ARFIP1: variants seen among roughly 807,000 people sequenced by gnomAD.
The protein encoded by ARFIP1 is ARF interacting protein 1.
Under a neutral mutation model 42.5 loss-of-function variants are expected in ARFIP1, and 24 were observed. That is an observed-to-expected ratio of 0.57 (90% confidence interval 0.41 to 0.80). The LOEUF (loss-of-function observed/expected upper bound fraction) is 0.80, where lower values mean the gene tolerates loss of function less well. ARFIP1 is among the 30% of genes least tolerant of loss of function. The pLI is 0.00. For missense variants in ARFIP1, 354 were observed against 434.0 expected (o/e 0.82, Z 1.64); for synonymous variants, 141 against 153.7 (o/e 0.92, Z 0.61).
Position 152,884,249 on chromosome 4 carries a change from C to A in ARFIP1, c.791+1369C>A, listed in dbSNP as rs183997766. Among the ~76,000 whole-genome samples the A allele has an allele frequency of 7.9e-5, 12 of 151,960 alleles. No homozygotes were observed. In the East Asian group the frequency reaches 1.4e-3, roughly 17 times the overall value. On this transcript the variant is annotated intron_variant, in intron 7 of 8. Coordinates refer to ENST00000353617, the MANE Select transcript of ARFIP1 (RefSeq NM_001025595.3). Reference sequence around the variant, plus strand: ...GATAGCTGTTAGTAAGATAGCCTTCCGTGGAAATCTCTTCAATAACATTCT... The same window carrying A: ...GATAGCTGTTAGTAAGATAGCCTTCAGTGGAAATCTCTTCAATAACATTCT...
chr4:152,787,540 G>T (rs1167175227), intron 1 of ARFIP1, among the ~76,000 whole-genome samples: 1 of 152,262 alleles, frequency 6.6e-6, no homozygotes, highest in African/African-American at 2.4e-5. Flanking sequence ...GTATGTGTAA[G>T]AAATGATTGG....
At chr4:152,910,003 A>G (rs1004289374) in intron 8 of ARFIP1, 61 bp from the exon 9 acceptor site, 1 of 1,546,968 alleles carries the variant, frequency 6.5e-7, no homozygotes, top group African/African-American at 1.4e-5. Flanking sequence ...GTAATAAATC[A>G]CTCTCTATTT....
At chr4:152,780,791 C>T (rs1730441006) in intron 1 of ARFIP1, among the ~76,000 whole-genome samples, 1 of 152,188 alleles carries the variant, frequency 6.6e-6, no homozygotes, top group Non-Finnish European at 1.5e-5. Flanking sequence ...TCCTGTTTGC[C>T]AAGTTACTAC....
At chr4:152,833,486 A>G (rs1731407755) in intron 2 of ARFIP1, among the ~76,000 whole-genome samples, 2 of 152,210 alleles carry the variant, frequency 1.3e-5, no homozygotes, top group East Asian at 1.9e-4. Flanking sequence ...TAGAACGACC[A>G]TAAGATCTAG....
intron 8 of ARFIP1, among the ~76,000 whole-genome samples, chr4:152,891,130 G>A (rs1206701465): frequency 6.6e-6 from 1 of 152,172 alleles, no homozygotes; most frequent in African/African-American, 2.4e-5. Flanking sequence ...TCCCATTTAT[G>A]AGGACTGTAC....
At chr4:152,850,466 G>A (rs1299044020) in intron 2 of ARFIP1, among the ~76,000 whole-genome samples, 1 of 152,126 alleles carries the variant, frequency 6.6e-6, no homozygotes, top group East Asian at 1.9e-4. Flanking sequence ...CAATGTTGAG[G>A]TGGGGACGAG....
intron 1 of ARFIP1, among the ~76,000 whole-genome samples, chr4:152,786,958 GA>G: frequency 6.6e-6 from 1 of 152,264 alleles, no homozygotes; most frequent in Middle Eastern, 3.4e-3. Flanking sequence ...CATCCTTAGA[GA>G]ATATGCTCAC....
chr4:152,880,131 C>T (rs1735708295), intron 5 of ARFIP1, among the ~76,000 whole-genome samples: 1 of 152,074 alleles, frequency 6.6e-6, no homozygotes, highest in Non-Finnish European at 1.5e-5. Flanking sequence ...CAGTTGAGCC[C>T]AGGAGTTTGA....
At chr4:152,872,965 A>G (rs1225674927) in intron 5 of ARFIP1, among the ~76,000 whole-genome samples, 1 of 152,236 alleles carries the variant, frequency 6.6e-6, no homozygotes, top group Non-Finnish European at 1.5e-5. Flanking sequence ...TATAATAACT[A>G]AGCATTAACT....
At chr4:152,840,459 T>C (rs1413272578) in intron 2 of ARFIP1, among the ~76,000 whole-genome samples, 2 of 152,190 alleles carry the variant, frequency 1.3e-5, no homozygotes, top group Admixed American at 1.3e-4. Flanking sequence ...TGTGTAGGAT[T>C]GTGATATTTT....
intron 8 of ARFIP1, among the ~76,000 whole-genome samples, chr4:152,895,597 G>C (rs1413399976): frequency 1.7e-5 from 2 of 116,082 alleles, no homozygotes; most frequent in African/African-American, 6.8e-5. Context: ...GTGTTGTTCT[G>C]TCATCCAGGC....
chr4:152,829,568 A>G, intron 1 of ARFIP1, 57 bp from the exon 2 acceptor site: 1 of 1,182,184 alleles, frequency 8.5e-7, no homozygotes, highest in South Asian at 1.4e-5. Flanking sequence ...ATAAACATGA[A>G]TATAGTCTTT....
intron 2 of ARFIP1, among the ~76,000 whole-genome samples, chr4:152,832,247 T>C (rs1731310382): frequency 1.3e-5 from 2 of 152,336 alleles, no homozygotes; most frequent in East Asian, 1.9e-4. Flanking sequence ...CCTTACTAGC[T>C]CTTCATATTG....
At chr4:152,822,209 T>C (rs1730426815) in intron 1 of ARFIP1, among the ~76,000 whole-genome samples, 1 of 140,510 alleles carries the variant, frequency 7.1e-6, no homozygotes, top group Admixed American at 7.9e-5. Context: ...GGTAGAGGGA[T>C]GGAAAAAGAT....
chr4:152,814,097 C>CTTTTTTTTTTTT (rs67593845), intron 1 of ARFIP1, among the ~76,000 whole-genome samples: 1 of 110,882 alleles, frequency 9.0e-6, no homozygotes, highest in Non-Finnish European at 1.9e-5. Flanking sequence ...TCTTCTTCTT[C>CTTTTTTTTTTTT]TTTTTTTTTT....
intron 1 of ARFIP1, among the ~76,000 whole-genome samples, chr4:152,788,585 G>A (rs570494228): frequency 2.6e-5 from 4 of 152,204 alleles, no homozygotes; most frequent in African/African-American, 9.6e-5. Context: ...GGAGGCTGAG[G>A]TGGGAGGATT....
intron 1 of ARFIP1, among the ~76,000 whole-genome samples, chr4:152,785,679 ATC>A (rs1730761029): frequency 3.9e-5 from 6 of 152,212 alleles, no homozygotes; most frequent in Admixed American, 3.9e-4. Flanking sequence ...TATTCCTCTA[ATC>A]TCTCCACCCA....
At chr4:152,814,097 C>CTTTTTTTTT (rs67593845) in intron 1 of ARFIP1, among the ~76,000 whole-genome samples, 8 of 110,882 alleles carry the variant, frequency 7.2e-5, no homozygotes, top group African/African-American at 1.3e-4. Context: ...TCTTCTTCTT[C>CTTTTTTTTT]TTTTTTTTTT....
chr4:152,900,804 G>A (rs546772321), intron 8 of ARFIP1, among the ~76,000 whole-genome samples: 27 of 152,264 alleles, frequency 1.8e-4, no homozygotes, highest in African/African-American at 6.5e-4. Context: ...GTTAGCGGTT[G>A]GGGACCTCTT....
Sources: allele counts gnomAD v4.1 joint callset (sites outside exome capture counted in the v4.1 genomes callset), GRCh38; gene constraint gnomAD v4.1.1; transcripts MANE v1.5; gene names NCBI Gene and HGNC (gene_info 2026-07-23, HGNC 2026-07-21).